The following RABGAP1L variants were observed in gnomAD, a reference collection of about 807,000 sequenced individuals.
The protein encoded by RABGAP1L is RAB GTPase activating protein 1 like, also known as rab GTPase-activating protein 1-like.
RABGAP1L carries 63 observed loss-of-function variants against 137.7 expected under a neutral mutation model. The ratio of observed to expected loss-of-function variants is 0.46; its 90% CI spans 0.37 to 0.56. The LOEUF is 0.56. Among genes scored for constraint, RABGAP1L ranks in the 20% least tolerant of loss-of-function variants. The pLI, the probability that RABGAP1L is intolerant of heterozygous loss-of-function variation, is 0.00. For missense variants in RABGAP1L, 1,095 were observed against 1,244.0 expected, an observed-to-expected ratio of 0.88 and a Z score of 1.80; for synonymous variants, 431 against 433.7, an observed-to-expected ratio of 0.99 and a Z score of 0.08.
intron 13 of RABGAP1L, among the ~76,000 whole-genome samples, chr1:174,398,493 G>T (rs1223029977): frequency 6.6e-6 from 1 of 152,036 alleles, no homozygotes; most frequent in Admixed American, 6.6e-5. Flanking sequence ...GGTTAGAGGG[G>T]CCCACCACAA....
chr1:174,681,647 C>T (rs1345529845), intron 14 of RABGAP1L, among the ~76,000 whole-genome samples: 7 of 152,110 alleles, frequency 4.6e-5, no homozygotes, highest in African/African-American at 1.7e-4. Context: ...TGCCCCAGCT[C>T]AAGGAACTGT....
At chr1:174,937,015 T>A (rs1036507449) in intron 19 of RABGAP1L, among the ~76,000 whole-genome samples, 12 of 145,682 alleles carry the variant, frequency 8.2e-5, no homozygotes, top group Non-Finnish European at 1.6e-4. Context: ...AGCCTTGCTC[T>A]GTTGCCCAGG....
intron 19 of RABGAP1L, among the ~76,000 whole-genome samples, chr1:174,854,510 G>A (rs1365057017): frequency 6.6e-6 from 1 of 151,618 alleles, no homozygotes; most frequent in Non-Finnish European, 1.5e-5. Flanking sequence ...TATATTTTGG[G>A]TTCATAGATG....
chr1:174,628,250 C>A (rs1673067598), intron 13 of RABGAP1L, among the ~76,000 whole-genome samples: 1 of 152,098 alleles, frequency 6.6e-6, no homozygotes, highest in African/African-American at 2.4e-5. Flanking sequence ...GGAAATTAAA[C>A]AGAGTGTGTG....
chr1:174,338,054 G>A (rs1032119756), intron 11 of RABGAP1L, among the ~76,000 whole-genome samples: 2 of 152,034 alleles, frequency 1.3e-5, no homozygotes, highest in African/African-American at 4.8e-5. Flanking sequence ...ACTAATTAAG[G>A]GTATTATTTG....
intron 13 of RABGAP1L, among the ~76,000 whole-genome samples, chr1:174,455,546 T>C (rs1655944277): frequency 6.6e-6 from 1 of 152,098 alleles, no homozygotes; most frequent in African/African-American, 2.4e-5. Context: ...AGATTATACA[T>C]GACACAAAGA....
chr1:174,200,666 T>C (rs1668031627), intron 1 of RABGAP1L, among the ~76,000 whole-genome samples: 1 of 152,240 alleles, frequency 6.6e-6, no homozygotes, highest in Non-Finnish European at 1.5e-5. Context: ...CTGTGCTTTT[T>C]TGTTTACTTG....
intron 13 of RABGAP1L, among the ~76,000 whole-genome samples, chr1:174,400,205 C>G (rs1648399355): frequency 1.3e-5 from 2 of 152,138 alleles, no homozygotes; most frequent in Admixed American, 1.3e-4. Flanking sequence ...GCGTATTACT[C>G]TATTACTTAC....
At chr1:174,961,523 T>G (rs1669084579) in intron 20 of RABGAP1L, among the ~76,000 whole-genome samples, 1 of 152,114 alleles carries the variant, frequency 6.6e-6, no homozygotes, top group Non-Finnish European at 1.5e-5. Context: ...AAATAACTAT[T>G]TGCACAAATG....
At chr1:174,316,616 T>G (rs1679400110) in intron 11 of RABGAP1L, among the ~76,000 whole-genome samples, 1 of 152,146 alleles carries the variant, frequency 6.6e-6, no homozygotes, top group Non-Finnish European at 1.5e-5. Flanking sequence ...GTCCTGAGTT[T>G]CTCCTAAACA....
chr1:174,556,329 T>C (rs1164204331), intron 13 of RABGAP1L, among the ~76,000 whole-genome samples: 1 of 152,144 alleles, frequency 6.6e-6, no homozygotes. Context: ...TCATTACATA[T>C]GTTCATTTTA....
At chr1:174,621,872 G>T (rs1386518707) in intron 13 of RABGAP1L, among the ~76,000 whole-genome samples, 1 of 152,138 alleles carries the variant, frequency 6.6e-6, no homozygotes, top group Non-Finnish European at 1.5e-5. Flanking sequence ...TTAAACTAAA[G>T]AGCTTCTGCA....
chr1:174,986,447 C>T (rs972059724), intron 24 of RABGAP1L, among the ~76,000 whole-genome samples: 1 of 152,186 alleles, frequency 6.6e-6, no homozygotes, highest in African/African-American at 2.4e-5. Flanking sequence ...CACCTTTTAT[C>T]TAGACACACT....
At chr1:174,252,953 TA>T (rs1351713150) in intron 7 of RABGAP1L, among the ~76,000 whole-genome samples, 1 of 152,180 alleles carries the variant, frequency 6.6e-6, no homozygotes, top group Non-Finnish European at 1.5e-5. Flanking sequence ...GATAGATACA[TA>T]TTTTTAAAAT....
intron 19 of RABGAP1L, chr1:174,922,300 C>CCTCTA (rs1473816744): frequency 5.7e-6 from 1 of 176,540 alleles, no homozygotes; most frequent in African/African-American, 2.3e-5. Flanking sequence ...ACAGCTGTAG[C>CCTCTA]CTCTACTATG....
intron 14 of RABGAP1L, 75 bp downstream of exon 14, chr1:174,637,563 T>A (rs1346643787): frequency 5.7e-6 from 6 of 1,053,488 alleles, no homozygotes; most frequent in East Asian, 2.5e-5. Flanking sequence ...AGGATTTTTT[T>A]ACTCTGTCTT....
chr1:174,786,719 A>G (rs1421664954), intron 18 of RABGAP1L, among the ~76,000 whole-genome samples: 12 of 152,186 alleles, frequency 7.9e-5, no homozygotes, highest in Non-Finnish European at 1.5e-4. Flanking sequence ...ATCCATAAAC[A>G]TTGCACTTGC....
intron 11 of RABGAP1L, among the ~76,000 whole-genome samples, chr1:174,370,463 CTTTTT>C (rs1183875194): frequency 2.6e-4 from 10 of 37,872 alleles, no homozygotes; most frequent in African/African-American, 8.0e-4. Context: ...TTAAAAATAC[CTTTTT>C]TTTTTTTTTT....
intron 13 of RABGAP1L, among the ~76,000 whole-genome samples, chr1:174,549,774 C>A (rs1035713503): frequency 6.6e-6 from 1 of 152,064 alleles, no homozygotes; most frequent in Non-Finnish European, 1.5e-5. Context: ...AGTCTGAAAC[C>A]CTTGAGATTA....
Sources: gnomAD v4.1 joint callset for allele counts (sites outside exome capture counted in the v4.1 genomes callset) on GRCh38, gnomAD v4.1.1 for gene constraint, MANE v1.5 for transcripts, NCBI Gene and HGNC (gene_info 2026-07-23, HGNC 2026-07-21) for gene names.